STX18: variants seen among roughly 807,000 people sequenced by gnomAD.
STX18 encodes the protein syntaxin-18.
In STX18, 40 loss-of-function variants were observed where a neutral mutation model predicts 50.1. That is an observed-to-expected ratio of 0.80 (90% CI 0.62 to 1.04). The LOEUF (loss-of-function observed/expected upper bound fraction) is 1.04, where lower values mean the gene tolerates loss of function less well. Ranked by LOEUF, STX18 falls within the 50% of genes least tolerant of loss-of-function variation. The pLI is 0.00. For missense variants in STX18, 410 were observed against 415.8 expected, an observed-to-expected ratio of 0.99 and a Z score of 0.12; for synonymous variants, 158 against 151.8, an observed-to-expected ratio of 1.04 and a Z score of -0.30.
At chr4:4,435,484 A>G (rs1725728242) in intron 6 of STX18, among the ~76,000 whole-genome samples, 1 of 152,222 alleles carries the variant, frequency 6.6e-6, no homozygotes, top group Non-Finnish European at 1.5e-5. Context: ...CACAGATATC[A>G]ATAGTAACAT....
chr4:4,456,977 A>T (rs1445834463), intron 5 of STX18, among the ~76,000 whole-genome samples: 1 of 152,186 alleles, frequency 6.6e-6, no homozygotes, highest in Non-Finnish European at 1.5e-5. Flanking sequence ...ATGAGGGAGG[A>T]AACAGTACCT....
intron 1 of STX18, chr4:4,476,270 G>A (rs1728171152): frequency 6.6e-6 from 1 of 152,228 alleles, no homozygotes; most frequent in African/African-American, 2.4e-5. Flanking sequence ...AACATAAAGT[G>A]TAGTTTAAAA....
intron 1 of STX18, among the ~76,000 whole-genome samples, chr4:4,512,458 T>C (rs1210523404): frequency 6.6e-6 from 1 of 152,136 alleles, no homozygotes; most frequent in Non-Finnish European, 1.5e-5. Context: ...CTGAAACCAC[T>C]TGATTGAAGC....
At chr4:4,498,006 T>C (rs1050751825) in intron 1 of STX18, among the ~76,000 whole-genome samples, 6 of 152,220 alleles carry the variant, frequency 3.9e-5, no homozygotes, top group African/African-American at 1.2e-4. Context: ...AAGGGATGAT[T>C]ACCAATTCAT....
intron 1 of STX18, among the ~76,000 whole-genome samples, chr4:4,518,926 C>T (rs911783025): frequency 5.3e-5 from 8 of 152,080 alleles, no homozygotes; most frequent in Admixed American, 3.9e-4. Context: ...TAGCCTTTCT[C>T]GAAAAAGGTC....
intron 1 of STX18, among the ~76,000 whole-genome samples, chr4:4,536,929 T>C (rs1731366608): frequency 6.6e-6 from 1 of 152,232 alleles, no homozygotes; most frequent in Non-Finnish European, 1.5e-5. Flanking sequence ...TGCAGTTATC[T>C]AATCGAAGCT....
At chr4:4,430,059 G>A (rs1725446669) in intron 7 of STX18, among the ~76,000 whole-genome samples, 1 of 152,198 alleles carries the variant, frequency 6.6e-6, no homozygotes, top group Admixed American at 6.5e-5. Flanking sequence ...GTTCCACTCA[G>A]CCTGACCACA....
In STX18 at chr4:4,453,183, T is replaced by G. The variant is rs1726855655; in HGVS notation, c.497+4008A>C. On this transcript the variant is annotated intron_variant, in intron 5 of 10. Transcript: ENST00000306200. The stretch of plus-strand genomic sequence containing the variant: ...TGGTTGACAAAGCAGCAACAGGGTT[T>G]GAGAGGACTGACTCAAATTTTGAAA... 3.3e-5 allele frequency among the ~76,000 whole-genome samples: 5 copies of G among 152,242 alleles called. No individual in the cohort carries two copies. In the South Asian group the frequency reaches 1.0e-3, roughly 31 times the overall value.
intron 1 of STX18, among the ~76,000 whole-genome samples, chr4:4,527,359 T>C (rs1018945695): frequency 1.3e-5 from 2 of 152,210 alleles, no homozygotes; most frequent in Non-Finnish European, 2.9e-5. Flanking sequence ...TTAATAGCAA[T>C]AACATTTTTT....
chr4:4,475,583 G>A (rs1276369118), intron 1 of STX18, among the ~76,000 whole-genome samples: 1 of 152,110 alleles, frequency 6.6e-6, no homozygotes, highest in Non-Finnish European at 1.5e-5. Context: ...TATCTCTGCA[G>A]AGAATGATTT....
At chr4:4,505,164 T>TGAAGG (rs1729642571) in intron 1 of STX18, among the ~76,000 whole-genome samples, 2 of 152,190 alleles carry the variant, frequency 1.3e-5, no homozygotes, top group African/African-American at 2.4e-5. Flanking sequence ...TATACAGCAG[T>TGAAGG]TCCTTCACTT....
At chr4:4,518,241 C>T (rs1008638183) in intron 1 of STX18, among the ~76,000 whole-genome samples, 1 of 152,078 alleles carries the variant, frequency 6.6e-6, no homozygotes, top group Non-Finnish European at 1.5e-5. Flanking sequence ...GTTTGTTAAA[C>T]GTAAGATATA....
chr4:4,435,049 C>G (rs1471814399), intron 6 of STX18, among the ~76,000 whole-genome samples, 191 bp from the exon 7 acceptor site: 2 of 152,142 alleles, frequency 1.3e-5, no homozygotes, highest in Non-Finnish European at 2.9e-5. Context: ...TTTAAATTGT[C>G]TTTGTGCAGG....
At chr4:4,464,628 C>T (rs762946143) in intron 2 of STX18, among the ~76,000 whole-genome samples, 34 of 152,146 alleles carry the variant, frequency 2.2e-4, no homozygotes, top group Admixed American at 1.3e-4. Context: ...TCAAAAGCTA[C>T]CTGTTTGCAG....
chr4:4,447,405 C>T (rs1025907075), intron 5 of STX18, among the ~76,000 whole-genome samples: 77 of 151,260 alleles, frequency 5.1e-4, no homozygotes, highest in African/African-American at 1.6e-3. Context: ...CTGGCTAACA[C>T]GGTGAAACCC....
intron 5 of STX18, among the ~76,000 whole-genome samples, chr4:4,438,764 G>A (rs993512779): frequency 2.6e-5 from 4 of 151,978 alleles, no homozygotes; most frequent in African/African-American, 9.7e-5. Context: ...GCATGCAGGG[G>A]GAGGCTGCAG....
chr4:4,524,952 C>T (rs1730681283), intron 1 of STX18, among the ~76,000 whole-genome samples: 1 of 150,858 alleles, frequency 6.6e-6, no homozygotes, highest in African/African-American at 2.5e-5. Flanking sequence ...TGATAGGATA[C>T]GAAGAAAAGA....
At chr4:4,442,839 G>A (rs932394573) in intron 5 of STX18, among the ~76,000 whole-genome samples, 11 of 133,960 alleles carry the variant, frequency 8.2e-5, no homozygotes, top group African/African-American at 2.4e-4. Flanking sequence ...CATAGGTAAA[G>A]CAGACAGAGA....
intron 1 of STX18, among the ~76,000 whole-genome samples, chr4:4,508,213 T>C (rs1323338360): frequency 1.3e-5 from 2 of 152,168 alleles, no homozygotes; most frequent in African/African-American, 4.8e-5. Context: ...CACTGTTACT[T>C]TGTTTTTGTT....
Sources: allele counts gnomAD v4.1 joint callset (sites outside exome capture counted in the v4.1 genomes callset), GRCh38; gene constraint gnomAD v4.1.1; transcripts MANE v1.5; gene names NCBI Gene and HGNC (gene_info 2026-07-23, HGNC 2026-07-21).